SLX9: variants seen among roughly 807,000 people sequenced by gnomAD.
SLX9 encodes the protein ribosome biogenesis protein SLX9 homolog.
Under a neutral mutation model 20.8 loss-of-function variants are expected in SLX9, and 19 were observed. The ratio of observed to expected loss-of-function variants is 0.91; its 90% CI spans 0.64 to 1.34. The LOEUF is 1.34. SLX9 is among the 40% of genes most tolerant of loss of function. SLX9 has a pLI of 0.00. For missense variants in SLX9, 299 were observed against 322.2 expected (o/e 0.93, Z 0.55); for synonymous variants, 113 against 137.1 (o/e 0.82, Z 1.23).
rs114501826 is a variant in SLX9, at chr21:44,973,081, G to T, written c.501-116G>T. The T allele has an allele frequency of 2.9e-3, 3,218 of 1,114,454 alleles. 57 individuals are homozygous for T. In the African/African-American group the frequency reaches 0.04, roughly 14 times the overall value. 69.0% of individuals were successfully genotyped at this position (1,114,454 alleles called of 1,614,324 possible). On this transcript the variant is annotated intron_variant, in intron 4 of 5. Transcript: ENST00000291634. ...GGAACTTGTGGTTCTGCAGTGGTTT[G>T]GTCACCTCTGGCCACCACGACGTCT...
intron 2 of SLX9, among the ~76,000 whole-genome samples, chr21:44,948,925 T>G (rs1485458365): frequency 6.6e-6 from 1 of 152,190 alleles, no homozygotes; most frequent in Non-Finnish European, 1.5e-5. Context: ...GTCCGGCCAT[T>G]GCAGGCCAGC....
chr21:44,966,990 C>T (rs368719130), intron 3 of SLX9, 44 bp from the exon 4 acceptor site: 2 of 1,571,530 alleles, frequency 1.3e-6, no homozygotes, highest in Admixed American at 1.9e-5. Context: ...CTGGGCTCCT[C>T]CTCTGCCTCT....
chr21:44,947,700 C>T (rs1256522651), intron 2 of SLX9, among the ~76,000 whole-genome samples: 1 of 152,162 alleles, frequency 6.6e-6, no homozygotes, highest in East Asian at 1.9e-4. Context: ...TGGAGCCTGC[C>T]TTACCCTTAC....
chr21:44,940,115 G>A lies in SLX9; in HGVS notation c.58G>A (p.Gly20Arg), dbSNP rs1002477108. 2 of 1,391,292 alleles carry A rather than the reference G, an allele frequency of 1.4e-6. No homozygotes were observed. The highest frequency in any genetic ancestry group is 1.9e-6 in the Non-Finnish European group (2 of 1,065,378). The allele number at this position is 1,391,292 out of a possible 1,614,324, so 86.2% of individuals were successfully genotyped here. A position where few individuals can be genotyped will look rare whatever the true frequency, so the allele number is the denominator to read the frequency against. The change falls in exon 1 of 6, where the codon GGG becomes AGG. Residue 20 changes from glycine (G) to arginine (R), a missense_variant. By Grantham distance (125) the Gly-to-Arg change is moderately radical (BLOSUM62 -2). Transcript: ENST00000291634. ...GCACCAGGCTGCCGTGAGGCCGAAAGGGGAGGCCGCCCCCGGCCCCGCGCC... is the reference window on the plus strand; with the variant it reads ...GCACCAGGCTGCCGTGAGGCCGAAAAGGGAGGCCGCCCCCGGCCCCGCGCC... The part of the protein sequence containing the change: ...RVHQAAVRPK[G>R]EAAPGPAPPA...
chr21:44,964,522 C>T (rs1251588898), intron 3 of SLX9, among the ~76,000 whole-genome samples: 2 of 152,178 alleles, frequency 1.3e-5, no homozygotes, highest in Admixed American at 6.5e-5. Context: ...TTGTTTTGTC[C>T]ACATACCTCC....
chr21:44,946,991 G>T (rs1028716166), intron 2 of SLX9, among the ~76,000 whole-genome samples: 1 of 152,208 alleles, frequency 6.6e-6, no homozygotes, highest in African/African-American at 2.4e-5. Context: ...GCTTGCCCTG[G>T]TCTGGGGGCC....
chr21:44,975,614 C>T (rs996206360), intron 5 of SLX9, among the ~76,000 whole-genome samples: 1 of 152,278 alleles, frequency 6.6e-6, no homozygotes, highest in Admixed American at 6.5e-5. Context: ...CTTCCCCTGG[C>T]CTCGGCTCCT....
chr21:44,946,527 G>C (rs1365202437), intron 2 of SLX9, among the ~76,000 whole-genome samples: 2 of 152,238 alleles, frequency 1.3e-5, no homozygotes, highest in Non-Finnish European at 2.9e-5. Context: ...GCCAGGAGCC[G>C]GTGGCTTTGT....
intron 2 of SLX9, among the ~76,000 whole-genome samples, chr21:44,957,311 C>T (rs1481290046): frequency 6.6e-6 from 1 of 152,216 alleles, no homozygotes; most frequent in African/African-American, 2.4e-5. Flanking sequence ...CCTCAGAGTG[C>T]CTCCCACTGG....
At chr21:44,956,419 C>T (rs914302575) in intron 2 of SLX9, among the ~76,000 whole-genome samples, 3 of 152,136 alleles carry the variant, frequency 2.0e-5, no homozygotes, top group African/African-American at 7.2e-5. Flanking sequence ...ACGGCCTGTC[C>T]CACGATGCAT....
intron 2 of SLX9, among the ~76,000 whole-genome samples, chr21:44,947,221 A>C (rs2084659674): frequency 6.6e-6 from 1 of 152,136 alleles, no homozygotes. Context: ...CAGATACTGC[A>C]TCCTGTGACT....
At chr21:44,950,192 C>T (rs567254980) in intron 2 of SLX9, among the ~76,000 whole-genome samples, 1 of 151,788 alleles carries the variant, frequency 6.6e-6, no homozygotes, top group Non-Finnish European at 1.5e-5. Flanking sequence ...CAGGTGCCTG[C>T]CTGAAAACAG....
chr21:44,948,270 G>T (rs2084683388), intron 2 of SLX9, among the ~76,000 whole-genome samples: 1 of 149,506 alleles, frequency 6.7e-6, no homozygotes. Context: ...GAAGCATCGG[G>T]CGGTCCGGGG....
At chr21:44,971,683 A>AG (rs35732130) in intron 4 of SLX9, among the ~76,000 whole-genome samples, 152,277 of 152,278 alleles carry the variant, frequency 1, 76,138 homozygotes, top group Non-Finnish European at 1. Flanking sequence ...CCCTGGCACC[A>AG]GGGTGCACCT....
Position 44,957,238 on chromosome 21 carries a change from T to C in SLX9, c.284-2862T>C, listed in dbSNP as rs559999716. Among the ~76,000 whole-genome samples the C allele has an allele frequency of 8.5e-5, 13 of 152,344 alleles. No homozygotes were observed. The East Asian group carries it at 2.5e-3, about 29-fold the overall frequency. The stretch of plus-strand genomic sequence containing the variant: ...TCTAGTCACTCCCCAAGGGCAGGGC[T>C]GAGGCGGGGTCTTCCAGAGTCAAGG... On this transcript the variant is annotated intron_variant, in intron 2 of 5. Coordinates refer to ENST00000291634, the MANE Select transcript of SLX9 (RefSeq NM_058190.4).
chr21:44,939,897 C>T (rs1201774783), upstream of SLX9: 11 of 672,962 alleles, frequency 1.6e-5, no homozygotes, highest in Non-Finnish European at 2.3e-5. Context: ...GGAGCGCCGC[C>T]ACCCTACACC....
In SLX9 at chr21:44,943,982, G is replaced by A. The variant is rs2084597986; in HGVS notation, c.283+145G>A. The A allele has an allele frequency of 8.3e-6, 10 of 1,202,768 alleles. No homozygotes were observed. In the South Asian group the frequency reaches 1.3e-4, roughly 16 times the overall value. 74.5% of individuals were successfully genotyped at this position (1,202,768 alleles called of 1,614,324 possible). On this transcript the variant is annotated intron_variant, in intron 2 of 5. Coordinates refer to ENST00000291634, the MANE Select transcript of SLX9 (RefSeq NM_058190.4). ...GGGATGCCCCTGGCTGTTTCTTGGG[G>A]CGATTCCCCAGAGTAGATTACAGCT...
intron 2 of SLX9, among the ~76,000 whole-genome samples, chr21:44,946,348 C>G (rs1305171591): frequency 6.6e-6 from 1 of 151,864 alleles, no homozygotes; most frequent in Non-Finnish European, 1.5e-5. Context: ...GCCCTGAGCT[C>G]GTGCTGACAG....
intron 3 of SLX9, among the ~76,000 whole-genome samples, chr21:44,964,810 C>T (rs1052664170): frequency 6.6e-6 from 1 of 152,220 alleles, no homozygotes; most frequent in African/African-American, 2.4e-5. Context: ...CTAATCCAGT[C>T]GAGTGGCTCC....
Sources: gnomAD v4.1 joint callset for allele counts (sites outside exome capture counted in the v4.1 genomes callset) on GRCh38, gnomAD v4.1.1 for gene constraint, MANE v1.5 for transcripts, NCBI Gene and HGNC (gene_info 2026-07-23, HGNC 2026-07-21) for gene names.